Variants in AFG2A observed in about 807,000 individuals in gnomAD.
AFG2A encodes the protein AAA ATPase AFG2A, also known as ATPase family gene 2 protein homolog A.
At chr4:123,280,500 T>C in the AFG2A span, among the ~76,000 whole-genome samples, 5 of 152,228 alleles carry the variant, frequency 3.3e-5, no homozygotes, top group South Asian at 1.0e-3. Context: ...CTTATTGAAC[T>C]AAGATTAAGA....
chr4:123,046,850 C>A, the AFG2A span, among the ~76,000 whole-genome samples: 4 of 152,180 alleles, frequency 2.6e-5, no homozygotes, highest in African/African-American at 9.7e-5. Context: ...ACCATGAGAT[C>A]CACATTTTTA....
the AFG2A span, among the ~76,000 whole-genome samples, chr4:123,137,758 G>T: frequency 1.3e-5 from 2 of 151,766 alleles, no homozygotes; most frequent in Non-Finnish European, 2.9e-5. Flanking sequence ...TCATTCTTCG[G>T]TTTTCCTTTT....
chr4:122,943,069 A>T, the AFG2A span, among the ~76,000 whole-genome samples: 6,215 of 152,066 alleles, frequency 0.041, 409 homozygotes, highest in African/African-American at 0.14. Context: ...GTGGTCAATT[A>T]TGGAATAGGT....
At chr4:122,936,157 G>A in the AFG2A span, 1 of 1,596,440 alleles carries the variant, frequency 6.3e-7, no homozygotes. Context: ...CCACTCTACG[G>A]TACTCTTTAT....
the AFG2A span, among the ~76,000 whole-genome samples, chr4:122,963,002 G>C: frequency 6.6e-6 from 1 of 152,312 alleles, no homozygotes; most frequent in Non-Finnish European, 1.5e-5. Context: ...GTCTAGGTTA[G>C]AGATATGGAC....
the AFG2A span, among the ~76,000 whole-genome samples, chr4:123,309,766 T>C: frequency 6.6e-6 from 1 of 152,318 alleles, no homozygotes; most frequent in East Asian, 1.9e-4. Context: ...TTACAAATGT[T>C]CAACCAGTAA....
the AFG2A span, among the ~76,000 whole-genome samples, chr4:123,231,149 A>G: frequency 6.6e-6 from 1 of 152,004 alleles, no homozygotes; most frequent in African/African-American, 2.4e-5. Flanking sequence ...GAAGCCAGGC[A>G]TTGATTTCTC....
the AFG2A span, among the ~76,000 whole-genome samples, chr4:123,026,226 G>A: frequency 6.6e-6 from 1 of 152,108 alleles, no homozygotes; most frequent in Admixed American, 6.5e-5. Flanking sequence ...CAGGAAATGT[G>A]TCATCTTGCC....
the AFG2A span, among the ~76,000 whole-genome samples, chr4:123,040,433 A>G: frequency 6.6e-6 from 1 of 151,906 alleles, no homozygotes; most frequent in African/African-American, 2.4e-5. Context: ...TGAATTTTTC[A>G]TTTTTAAAGG....
chr4:123,044,573 C>G, the AFG2A span, among the ~76,000 whole-genome samples: 599 of 152,204 alleles, frequency 3.9e-3, 2 homozygotes, highest in African/African-American at 0.013. Flanking sequence ...TGGTATCTTA[C>G]CCTTAGTGCC....
At chr4:123,086,685 T>G in the AFG2A span, among the ~76,000 whole-genome samples, 1 of 150,596 alleles carries the variant, frequency 6.6e-6, no homozygotes, top group South Asian at 2.1e-4. Flanking sequence ...TTGTTCTGTG[T>G]GGTTTTATTA....
the AFG2A span, among the ~76,000 whole-genome samples, chr4:123,044,141 G>C: frequency 1.3e-5 from 2 of 152,170 alleles, no homozygotes; most frequent in African/African-American, 4.8e-5. Context: ...TTGATTGAAA[G>C]CTCTGCCCTT....
At chr4:123,149,844 C>T in the AFG2A span, among the ~76,000 whole-genome samples, 2 of 136,280 alleles carry the variant, frequency 1.5e-5, no homozygotes, top group Non-Finnish European at 1.5e-5. Context: ...CTCACTCTGT[C>T]GCCCAGTTTG....
the AFG2A span, among the ~76,000 whole-genome samples, chr4:123,076,996 G>A: frequency 6.7e-6 from 1 of 148,924 alleles, no homozygotes; most frequent in Non-Finnish European, 1.5e-5. Flanking sequence ...GGGCGGGGGG[G>A]TTGTGTGGTG....
chr4:123,107,585 A>C, the AFG2A span, among the ~76,000 whole-genome samples: 1 of 152,310 alleles, frequency 6.6e-6, no homozygotes, highest in East Asian at 1.9e-4. Context: ...CCCAGGCTTC[A>C]GGCTGTCCAT....
the AFG2A span, among the ~76,000 whole-genome samples, chr4:123,058,984 A>T: frequency 3.5e-4 from 53 of 152,242 alleles, 1 homozygote; most frequent in Admixed American, 3.3e-3. Flanking sequence ...AATCAAAAGC[A>T]AATTTGTTAC....
At chr4:122,974,565 C>G in the AFG2A span, among the ~76,000 whole-genome samples, 1 of 152,198 alleles carries the variant, frequency 6.6e-6, no homozygotes, top group African/African-American at 2.4e-5. Flanking sequence ...TGACTTGGAA[C>G]TGTAGCTTGC....
the AFG2A span, among the ~76,000 whole-genome samples, chr4:123,076,846 T>C: frequency 6.6e-6 from 1 of 151,968 alleles, no homozygotes; most frequent in South Asian, 2.1e-4. Flanking sequence ...AGGTCTATCT[T>C]CAGAATACTC....
the AFG2A span, among the ~76,000 whole-genome samples, chr4:123,097,233 C>T: frequency 2.6e-5 from 4 of 151,882 alleles, no homozygotes; most frequent in Admixed American, 2.0e-4. Context: ...ACGTATCTTT[C>T]GATATTCAAA....
Sources: gnomAD v4.1 joint callset for allele counts (sites outside exome capture counted in the v4.1 genomes callset) on GRCh38, gnomAD v4.1.1 for gene constraint, MANE v1.5 for transcripts, NCBI Gene and HGNC (gene_info 2026-07-23, HGNC 2026-07-21) for gene names.